MSR1: variants seen among roughly 807,000 people sequenced by gnomAD.
The protein encoded by MSR1 is macrophage scavenger receptor types I and II.
A neutral mutation model predicts 47.2 loss-of-function variants in MSR1; 53 were observed. The ratio of observed to expected loss-of-function variants is 1.12; its 90% CI spans 0.90 to 1.41. The LOEUF is 1.41. MSR1 is among the 40% of genes most tolerant of loss of function. MSR1 has a pLI of 0.00. For synonymous variants in MSR1, 239 were observed against 185.6 expected, an observed-to-expected ratio of 1.29 and a Z score of -2.34; for missense variants, 786 against 546.9, an observed-to-expected ratio of 1.44 and a Z score of -4.36.
At chr8:16,125,146 C>T (rs1467657854) in intron 8 of MSR1, among the ~76,000 whole-genome samples, 2 of 152,124 alleles carry the variant, frequency 1.3e-5, no homozygotes, top group Non-Finnish European at 2.9e-5. Flanking sequence ...CTTGTCAGCT[C>T]AGTGAGCAGA....
intron 9 of MSR1, among the ~76,000 whole-genome samples, chr8:16,112,397 C>G (rs1240162301): frequency 6.6e-6 from 1 of 152,012 alleles, no homozygotes; most frequent in Non-Finnish European, 1.5e-5. Context: ...TAGATCCAGG[C>G]AACAGAACAT....
At chr8:16,178,367 T>G (rs1469158866) in intron 1 of MSR1, among the ~76,000 whole-genome samples, 1 of 151,958 alleles carries the variant, frequency 6.6e-6, no homozygotes, top group East Asian at 1.9e-4. Flanking sequence ...TGGGTTTTTG[T>G]CCTTGCGATA....
intron 1 of MSR1, among the ~76,000 whole-genome samples, chr8:16,188,480 G>A (rs1277842361): frequency 6.6e-6 from 1 of 151,830 alleles, no homozygotes; most frequent in Admixed American, 6.6e-5. Context: ...TATTTCAAAC[G>A]AATTTTTCAA....
intron 1 of MSR1, chr8:16,186,178 A>C (rs1322970654): frequency 9.8e-6 from 15 of 1,535,236 alleles, no homozygotes; most frequent in Non-Finnish European, 1.3e-5. Context: ...TTGAGAAGAG[A>C]GATACTGATG....
At chr8:16,111,436 G>GAATT (rs1339210757) in intron 9 of MSR1, among the ~76,000 whole-genome samples, 18 of 152,214 alleles carry the variant, frequency 1.2e-4, no homozygotes, top group African/African-American at 3.9e-4. Context: ...TGATGCTTTC[G>GAATT]AATTGTATTT....
chr8:16,110,309 A>G (rs1799729043), intron 9 of MSR1, 91 bp from the exon 10 acceptor site: 1 of 1,418,740 alleles, frequency 7.0e-7, no homozygotes, highest in African/African-American at 1.4e-5. Flanking sequence ...TCACTAATTA[A>G]ACAAAAAAGT....
At chr8:16,152,076 T>A (rs1800875892) in intron 6 of MSR1, among the ~76,000 whole-genome samples, 1 of 151,958 alleles carries the variant, frequency 6.6e-6, no homozygotes, top group African/African-American at 2.4e-5. Context: ...CTTTTCTTGT[T>A]CTCCTCCCCC....
rs1585146310 is a variant in MSR1, at chr8:16,132,837, T to C, written c.1033+10721A>G. The stretch of plus-strand genomic sequence containing the variant: ...AACAGGAGTAGTGGAGAGGGCATCA[T>C]TATCTTGTGCTGGTTTTCAAGCAGA... On this transcript the variant is annotated intron_variant, in intron 8 of 9. Coordinates refer to ENST00000262101, the MANE Select transcript of MSR1 (RefSeq NM_138715.3). Among the ~76,000 whole-genome samples the C allele has an allele frequency of 2.6e-5, 4 of 152,232 alleles. 1 individual carries two copies. The highest frequency in any genetic ancestry group is 2.6e-4 in the Admixed American group (4 of 15,280).
intron 4 of MSR1, among the ~76,000 whole-genome samples, chr8:16,167,229 C>A (rs1339554941): frequency 6.6e-6 from 1 of 152,110 alleles, no homozygotes; most frequent in Non-Finnish European, 1.5e-5. Flanking sequence ...GCTTTCAATT[C>A]CTCATGTTTG....
At chr8:16,188,713 C>T (rs75273588) in intron 1 of MSR1, among the ~76,000 whole-genome samples, 6,498 of 151,868 alleles carry the variant, frequency 0.043, 481 homozygotes, top group African/African-American at 0.15. Flanking sequence ...TCCCTGTGTC[C>T]ACGTGCTCTC....
chr8:16,162,440 T>C (rs75248444), intron 5 of MSR1, among the ~76,000 whole-genome samples: 1 of 152,070 alleles, frequency 6.6e-6, no homozygotes, highest in Non-Finnish European at 1.5e-5. Context: ...CCCGAGGTGC[T>C]TTTAGAACGG....
chr8:16,160,962 G>A (rs892435312), intron 5 of MSR1, among the ~76,000 whole-genome samples: 1 of 150,100 alleles, frequency 6.7e-6, no homozygotes, highest in Admixed American at 6.7e-5. Flanking sequence ...GCAAGAGAGA[G>A]AAAAGACACA....
chr8:16,177,759 C>A, intron 2 of MSR1, 127 bp downstream of exon 2: 1 of 734,110 alleles, frequency 1.4e-6, no homozygotes, highest in Non-Finnish European at 2.4e-6. Context: ...AAGAATACCC[C>A]TGTTGGTCAA....
chr8:16,177,760 T>A, intron 2 of MSR1, 126 bp downstream of exon 2: 1 of 739,098 alleles, frequency 1.4e-6, no homozygotes, highest in Middle Eastern at 2.5e-4. Flanking sequence ...AGAATACCCC[T>A]GTTGGTCAAA....
chr8:16,121,011 CAG>C lies in MSR1; in HGVS notation c.1034-407_1034-406del, dbSNP rs1304846498. On this transcript the variant is annotated intron_variant, in intron 8 of 9. Coordinates refer to ENST00000262101, the MANE Select transcript of MSR1 (RefSeq NM_138715.3). ...CATACAAACTTATCAACATACAATGCAGAGATTTTCAATACTATAGGAGGGCG... is the reference window on the plus strand; with the variant it reads ...CATACAAACTTATCAACATACAATGCAGATTTTCAATACTATAGGAGGGCG... The C allele has an allele frequency of 1.3e-5, 4 of 307,634 alleles. No individual in the cohort carries two copies. The Admixed American group carries it at 2.0e-4, about 15-fold the overall frequency. 19.1% of individuals were successfully genotyped at this position (307,634 alleles called of 1,614,324 possible). A position where few individuals can be genotyped will look rare whatever the true frequency, so the allele number is the denominator to read the frequency against.
chr8:16,191,180 C>G (rs553361153), intron 1 of MSR1, among the ~76,000 whole-genome samples: 1 of 152,066 alleles, frequency 6.6e-6, no homozygotes, highest in Non-Finnish European at 1.5e-5. Context: ...AAACTAACAG[C>G]TTTATGCTTA....
rs1482581067 is a variant in MSR1 at position 16,192,379 on chromosome 8, C to T, written c.-5+219G>A. On this transcript the variant is annotated intron_variant, in intron 1 of 9. Transcript: ENST00000262101. ...TACTTGTGAACATATATGTTTTTCA[C>T]TCATGGAAAATTTAGCAGAAATCCC... is the stretch of plus-strand genomic sequence containing the variant. 2.0e-5 allele frequency among the ~76,000 whole-genome samples: 3 copies of T among 152,158 alleles called. No homozygotes were observed. In the East Asian group the frequency reaches 5.8e-4, roughly 29 times the overall value.
intron 3 of MSR1, among the ~76,000 whole-genome samples, chr8:16,172,618 C>A (rs138545599): frequency 6.6e-6 from 1 of 152,100 alleles, no homozygotes; most frequent in African/African-American, 2.4e-5. Flanking sequence ...ATTATCTTTT[C>A]ATACCCCAAA....
intron 1 of MSR1, among the ~76,000 whole-genome samples, chr8:16,178,734 G>A (rs927592065): frequency 1.3e-5 from 2 of 152,084 alleles, no homozygotes; most frequent in South Asian, 2.1e-4. Context: ...GTGTAAAAGT[G>A]TTCCTATTTC....
Sources: gnomAD v4.1 joint callset for allele counts (sites outside exome capture counted in the v4.1 genomes callset) on GRCh38, gnomAD v4.1.1 for gene constraint, MANE v1.5 for transcripts, NCBI Gene and HGNC (gene_info 2026-07-23, HGNC 2026-07-21) for gene names.